The following PAXIP1 variants were observed in gnomAD, a reference collection of about 807,000 sequenced individuals.
PAXIP1 encodes the protein PAX interacting protein 1.
A neutral mutation model predicts 140.6 loss-of-function variants in PAXIP1; 19 were observed. That is an observed-to-expected ratio of 0.14 (90% CI 0.09 to 0.20). PAXIP1 has a LOEUF of 0.20. PAXIP1 is among the 10% of genes least tolerant of loss of function. The pLI, the probability that PAXIP1 is intolerant of heterozygous loss-of-function variation, is 1.00. For missense variants in PAXIP1, 920 were observed against 1,208.6 expected, an observed-to-expected ratio of 0.76 and a Z score of 3.54; for synonymous variants, 442 against 444.6, an observed-to-expected ratio of 0.99 and a Z score of 0.07.
chr7:154,966,550 T>C (rs964578918), intron 8 of PAXIP1, among the ~76,000 whole-genome samples: 5 of 152,192 alleles, frequency 3.3e-5, no homozygotes, highest in Non-Finnish European at 7.3e-5. Context: ...ACCCCAAACT[T>C]TTCTCCACTA....
intron 13 of PAXIP1, among the ~76,000 whole-genome samples, 197 bp downstream of exon 13, chr7:154,959,693 C>G (rs1808674141): frequency 6.6e-6 from 1 of 152,154 alleles, no homozygotes; most frequent in Non-Finnish European, 1.5e-5. Flanking sequence ...GGTTACACAC[C>G]CATTGCTTCC....
rs770202739 is a variant in PAXIP1, at chr7:154,946,449, T to C, written c.3134-24A>G. 4 of 1,611,952 alleles carry C rather than the reference T, an allele frequency of 2.5e-6. No individual in the cohort carries two copies. Among genetic ancestry groups the C allele is most frequent in the Non-Finnish European group, 2.5e-6 (3 of 1,178,016 alleles). On this transcript the variant is annotated intron_variant, in intron 19 of 20. Coordinates refer to ENST00000404141, the MANE Select transcript of PAXIP1 (RefSeq NM_007349.4). This position sits in a 1 kb window ranked among gnomAD's most constrained non-coding sequence, Gnocchi z 4.9. The stretch of plus-strand genomic sequence containing the variant: ...ATCTGAACAGGGTGGAAACAGACAC[T>C]TTAGTTAGAGATCCACTGCTGTGCG...
intron 5 of PAXIP1, among the ~76,000 whole-genome samples, chr7:154,980,133 G>A (rs1383884992): frequency 2.0e-5 from 3 of 152,076 alleles, no homozygotes; most frequent in Non-Finnish European, 4.4e-5. Flanking sequence ...TTCTGGTAAC[G>A]TACCATCAGT....
chr7:155,002,837 CG>C lies in PAXIP1; in HGVS notation c.81+11del. On this transcript the variant is annotated intron_variant, in intron 1 of 20. Coordinates refer to ENST00000404141, the MANE Select transcript of PAXIP1 (RefSeq NM_007349.4). ...ACGGGGGAGGAGGCCGCGGCAGGGG[CG>C]GGCGCGGTACCTGCGGGTCGATGTC... 1.5e-6 allele frequency: 2 copies of C among 1,350,210 alleles called. No individual in the cohort carries two copies. Among genetic ancestry groups the C allele is most frequent in the Non-Finnish European group, 1.9e-6 (2 of 1,026,738 alleles). 83.6% of individuals were successfully genotyped at this position (1,350,210 alleles called of 1,614,324 possible). A position where few individuals can be genotyped will look rare whatever the true frequency, so the allele number is the denominator to read the frequency against.
In PAXIP1 at chr7:154,983,286, T is replaced by A. The variant is rs769222148; in HGVS notation, c.371A>T (p.Tyr124Phe). Residue 124 changes from tyrosine (Y) to phenylalanine (F), a missense_variant, in exon 5 of 21, where the codon TAT becomes TTT. Around this residue, in one of 5 missense-constraint regions of PAXIP1, gnomAD observed 419 missense variants for 514.7 expected, o/e 0.81. Transcript: ENST00000404141. Reference protein sequence around the residue: ...RSALWALVTFYGGDCQLTLNK... With the variant: ...RSALWALVTFFGGDCQLTLNK... ...GAGGGTTAGCTGGCAATCTCCCCCA[T>A]AGAACGTAACCAAAGCCCACAGGGC... 1.1e-5 allele frequency: 18 copies of A among 1,612,780 alleles called. No individual in the cohort carries two copies. In the East Asian group the frequency reaches 3.6e-4, roughly 32 times the overall value.
rs569802062 is a variant in PAXIP1, at chr7:154,955,302, A to G, written c.2652+227T>C. Reference sequence around the variant, plus strand: ...AACATGGTTCCTGGCCTATACTAATAAGAAAGCAAGTATCTAAGTATGAAA... The same window carrying G: ...AACATGGTTCCTGGCCTATACTAATGAGAAAGCAAGTATCTAAGTATGAAA... On this transcript the variant is annotated intron_variant, in intron 15 of 20. Coordinates refer to ENST00000404141, the MANE Select transcript of PAXIP1 (RefSeq NM_007349.4). Among the ~76,000 whole-genome samples, 20 of 152,328 alleles carry G rather than the reference A, an allele frequency of 1.3e-4. 1 individual carries two copies. In the South Asian group the frequency reaches 4.1e-3, roughly 32 times the overall value.
At chr7:154,960,453 C>G (rs1409374880) in intron 12 of PAXIP1, among the ~76,000 whole-genome samples, 1 of 152,206 alleles carries the variant, frequency 6.6e-6, no homozygotes, top group Non-Finnish European at 1.5e-5. Context: ...AAAAGATTAA[C>G]TGGCCTGAGA....
At position 154,945,909 on chromosome 7, in the gene PAXIP1, A is replaced by G. The variant is rs193095306; in HGVS notation, c.3194+456T>C. 6.0e-4 allele frequency: 590 copies of G among 985,426 alleles called. 4 individuals carry two copies. The South Asian group carries it at 0.018, about 31-fold the overall frequency. 61.0% of individuals were successfully genotyped at this position (985,426 alleles called of 1,614,324 possible). A position where few individuals can be genotyped will look rare whatever the true frequency, so the allele number is the denominator to read the frequency against. On this transcript the variant is annotated intron_variant, in intron 20 of 20. Coordinates refer to ENST00000404141, the MANE Select transcript of PAXIP1 (RefSeq NM_007349.4). ...AGACTGACCTTTGCATTTTCCTGACATGTTGATGAAGTATTCATTCTGCCG... is the reference window on the plus strand; with the variant it reads ...AGACTGACCTTTGCATTTTCCTGACGTGTTGATGAAGTATTCATTCTGCCG...
intron 7 of PAXIP1, among the ~76,000 whole-genome samples, 179 bp downstream of exon 7, chr7:154,968,224 A>G (rs1355715789): frequency 1.3e-5 from 2 of 152,224 alleles, no homozygotes; most frequent in Non-Finnish European, 2.9e-5. Flanking sequence ...GTCCCAAAGT[A>G]CAAAAGAAAG....
chr7:154,982,823 T>C (rs1345716004), intron 5 of PAXIP1, among the ~76,000 whole-genome samples: 4 of 152,152 alleles, frequency 2.6e-5, no homozygotes, highest in Admixed American at 6.6e-5. Flanking sequence ...AGAAAATATA[T>C]AGAAAATTTC....
chr7:154,995,330 C>T (rs1052296619), intron 2 of PAXIP1, among the ~76,000 whole-genome samples: 1 of 152,202 alleles, frequency 6.6e-6, no homozygotes, highest in Admixed American at 6.5e-5. Context: ...AGCATACACG[C>T]TGAATATCTC....
chr7:154,967,559 C>A, intron 8 of PAXIP1: 1 of 444,126 alleles, frequency 2.3e-6, no homozygotes, highest in Non-Finnish European at 4.0e-6. Context: ...CAATTATACA[C>A]ATATAATTAG....
intron 5 of PAXIP1, among the ~76,000 whole-genome samples, chr7:154,981,378 T>C (rs1336238960): frequency 1.3e-5 from 2 of 152,176 alleles, no homozygotes; most frequent in South Asian, 2.1e-4. Flanking sequence ...AGCATTAAAA[T>C]AGTAGTTCAT....
At chr7:155,002,826 C>A in intron 1 of PAXIP1, 23 bp downstream of exon 1, 1 of 1,355,442 alleles carries the variant, frequency 7.4e-7, no homozygotes, top group Non-Finnish European at 9.8e-7. Flanking sequence ...GGGAGGAGGC[C>A]GCGGCAGGGG....
Position 154,944,100 on chromosome 7 carries a change from A to G in PAXIP1, c.*49T>C. ...CGCAGCAGCTCCTCGCCAGCCAGACAGCCAGCCCCGCACCGCAGGAGTCGA... is the reference window on the plus strand; with the variant it reads ...CGCAGCAGCTCCTCGCCAGCCAGACGGCCAGCCCCGCACCGCAGGAGTCGA... On this transcript the variant is annotated 3_prime_UTR_variant, in exon 21 of 21. Coordinates refer to ENST00000404141, the MANE Select transcript of PAXIP1 (RefSeq NM_007349.4). The G allele has an allele frequency of 6.2e-7, 1 of 1,604,394 alleles. No homozygotes were observed. Among genetic ancestry groups the G allele is most frequent in the Non-Finnish European group, 8.5e-7 (1 of 1,172,660 alleles).
intron 8 of PAXIP1, chr7:154,965,216 C>T (rs1289095120): frequency 6.6e-6 from 1 of 152,260 alleles, no homozygotes; most frequent in Non-Finnish European, 1.5e-5. Context: ...TCTGGAGAGC[C>T]TCTGTGGTGA....
intron 8 of PAXIP1, chr7:154,965,784 G>C (rs1371470524): frequency 6.6e-6 from 1 of 152,238 alleles, no homozygotes. Flanking sequence ...GTTAACACCA[G>C]GCTATTAGTA....
At chr7:154,981,105 A>C (rs997181688) in intron 5 of PAXIP1, among the ~76,000 whole-genome samples, 1 of 151,928 alleles carries the variant, frequency 6.6e-6, no homozygotes, top group African/African-American at 2.4e-5. Flanking sequence ...TGGGCGACAG[A>C]GTGAGACTCT....
chr7:154,951,804 C>T (rs1231989259), intron 16 of PAXIP1: 1 of 152,120 alleles, frequency 6.6e-6, no homozygotes, highest in Non-Finnish European at 1.5e-5. Context: ...AAAGAATTAG[C>T]ATGTTCTTGG....
Sources: gnomAD v4.1 joint callset for allele counts (sites outside exome capture counted in the v4.1 genomes callset) on GRCh38, gnomAD v4.1.1 for gene constraint, gnomAD v4.1.1 regional missense constraint, Gnocchi (gnomAD v3.1) non-coding constraint, MANE v1.5 for transcripts, NCBI Gene and HGNC (gene_info 2026-07-23, HGNC 2026-07-21) for gene names.